Variants in SLC24A2 observed in about 807,000 individuals in gnomAD.
SLC24A2 encodes sodium/potassium/calcium exchanger 2.
SLC24A2 carries 36 observed loss-of-function variants against 62.0 expected under a neutral mutation model. The ratio of observed to expected loss-of-function variants is 0.58; its 90% CI spans 0.44 to 0.77. The LOEUF is 0.77. Ranked by LOEUF, SLC24A2 falls within the 30% of genes least tolerant of loss-of-function variation. The pLI is 0.00. For synonymous variants in SLC24A2, 358 were observed against 294.0 expected (o/e 1.22, Z -2.23); for missense variants, 846 against 817.9 (o/e 1.03, Z -0.42).
chr9:20,302,050 T>G, the SLC24A2 span, among the ~76,000 whole-genome samples: 1 of 152,252 alleles, frequency 6.6e-6, no homozygotes, highest in African/African-American at 2.4e-5. Flanking sequence ...CATTTAAGTT[T>G]CCTCATGGCT....
the SLC24A2 span, among the ~76,000 whole-genome samples, chr9:19,997,835 C>T: frequency 1.3e-5 from 2 of 152,004 alleles, no homozygotes; most frequent in Admixed American, 6.6e-5. Context: ...TGCCTGTGTC[C>T]CTCACTGCAA....
chr9:19,872,787 G>A, the SLC24A2 span, among the ~76,000 whole-genome samples: 1 of 152,146 alleles, frequency 6.6e-6, no homozygotes, highest in Non-Finnish European at 1.5e-5. Flanking sequence ...CAGGATTTTG[G>A]CAGTCCTGGG....
chr9:20,112,881 A>G, the SLC24A2 span, among the ~76,000 whole-genome samples: 1 of 152,048 alleles, frequency 6.6e-6, no homozygotes, highest in South Asian at 2.1e-4. Flanking sequence ...GTAGAGTACA[A>G]GAAAACAAAG....
chr9:20,274,846 G>A, the SLC24A2 span, among the ~76,000 whole-genome samples: 6 of 151,920 alleles, frequency 3.9e-5, no homozygotes, highest in African/African-American at 1.5e-4. Flanking sequence ...GGATGAGCAT[G>A]CCACGGTGCA....
chr9:20,058,654 G>A, the SLC24A2 span, among the ~76,000 whole-genome samples: 4 of 152,134 alleles, frequency 2.6e-5, no homozygotes, highest in African/African-American at 7.2e-5. Context: ...AGAGACTCAC[G>A]TCTGTAATCT....
the SLC24A2 span, among the ~76,000 whole-genome samples, chr9:19,882,701 C>A: frequency 1.3e-5 from 2 of 151,334 alleles, no homozygotes; most frequent in Non-Finnish European, 2.9e-5. Context: ...GTTTCCACCA[C>A]CCAGTCATTT....
At chr9:19,868,834 T>C in the SLC24A2 span, among the ~76,000 whole-genome samples, 1 of 152,164 alleles carries the variant, frequency 6.6e-6, no homozygotes, top group Non-Finnish European at 1.5e-5. Context: ...TTTTCCATTG[T>C]TTTACTTTTA....
chr9:19,967,059 AC>A, the SLC24A2 span, among the ~76,000 whole-genome samples: 1 of 152,122 alleles, frequency 6.6e-6, no homozygotes, highest in Non-Finnish European at 1.5e-5. Flanking sequence ...TGTTTACTGC[AC>A]CCATGTGTAA....
At chr9:20,302,208 T>G in the SLC24A2 span, among the ~76,000 whole-genome samples, 60 of 152,300 alleles carry the variant, frequency 3.9e-4, no homozygotes, top group East Asian at 5.4e-3. Flanking sequence ...GTGTGTAGGT[T>G]TTTGTACAAT....
At chr9:19,547,504 T>C (rs1299186262) in intron 8 of SLC24A2, among the ~76,000 whole-genome samples, 6 of 152,158 alleles carry the variant, frequency 3.9e-5, no homozygotes, top group Admixed American at 3.3e-4. Flanking sequence ...AGTTGGGAGC[T>C]TTTGATCTTC....
chr9:19,816,540 A>T, the SLC24A2 span, among the ~76,000 whole-genome samples: 8 of 152,104 alleles, frequency 5.3e-5, no homozygotes, highest in Non-Finnish European at 2.9e-5. Flanking sequence ...GCATTGCTAT[A>T]AGGAAACACC....
At chr9:19,519,328 A>AT (rs10709456) in intron 10 of SLC24A2, among the ~76,000 whole-genome samples, 2 of 149,996 alleles carry the variant, frequency 1.3e-5, no homozygotes, top group African/African-American at 2.5e-5. Flanking sequence ...ATTAGGAGTG[A>AT]TTTTTTTTCT....
At chr9:20,129,854 A>G in the SLC24A2 span, among the ~76,000 whole-genome samples, 24,586 of 151,500 alleles carry the variant, frequency 0.16, 2,858 homozygotes, top group East Asian at 0.55. Flanking sequence ...GAACTATGTA[A>G]AGGAAATGCT....
the SLC24A2 span, among the ~76,000 whole-genome samples, chr9:19,940,553 G>A: frequency 6.6e-6 from 1 of 152,046 alleles, no homozygotes; most frequent in Non-Finnish European, 1.5e-5. Context: ...TTCTGACACT[G>A]TAACCCTCAC....
chr9:20,125,166 G>A, the SLC24A2 span, among the ~76,000 whole-genome samples: 44 of 152,204 alleles, frequency 2.9e-4, no homozygotes, highest in African/African-American at 9.2e-4. Flanking sequence ...TTTTTAAAAT[G>A]AATCAGATAT....
the SLC24A2 span, chr9:19,927,958 G>A: frequency 1.3e-5 from 2 of 152,410 alleles, no homozygotes; most frequent in African/African-American, 4.8e-5. Flanking sequence ...GCCTGGAAGG[G>A]TCTGCTGCAC....
chr9:19,588,219 G>A, intron 5 of SLC24A2, among the ~76,000 whole-genome samples: 1 of 143,970 alleles, frequency 6.9e-6, no homozygotes, highest in East Asian at 2.0e-4. Flanking sequence ...GCCTTACAGA[G>A]AACATCTATT....
intron 2 of SLC24A2, among the ~76,000 whole-genome samples, chr9:19,679,619 A>G (rs1361716038): frequency 1.3e-5 from 2 of 152,158 alleles, no homozygotes; most frequent in African/African-American, 4.8e-5. Context: ...AATGGAATAA[A>G]AAGGTAGAGG....
At chr9:19,844,789 T>G in the SLC24A2 span, among the ~76,000 whole-genome samples, 2 of 152,156 alleles carry the variant, frequency 1.3e-5, no homozygotes, top group Non-Finnish European at 2.9e-5. Flanking sequence ...TCCCTATTGC[T>G]TATTTTTGTT....
Sources: allele counts gnomAD v4.1 joint callset (sites outside exome capture counted in the v4.1 genomes callset), GRCh38; gene constraint gnomAD v4.1.1; transcripts MANE v1.5; gene names NCBI Gene and HGNC (gene_info 2026-07-23, HGNC 2026-07-21).